Variants in NXNL2 observed in about 807,000 individuals in gnomAD.
NXNL2 encodes nucleoredoxin-like protein 2.
Under a neutral mutation model 11.1 loss-of-function variants are expected in NXNL2, and 7 were observed. The observed-to-expected ratio is 0.63, with a 90% CI of 0.36 to 1.18. The LOEUF (loss-of-function observed/expected upper bound fraction) is 1.18. Ranked by LOEUF, NXNL2 falls within the 50% of genes most tolerant of loss-of-function variation. The pLI, the probability that NXNL2 is intolerant of heterozygous loss-of-function variation, is 0.02. For synonymous variants in NXNL2, 109 were observed against 101.8 expected (o/e 1.07, Z -0.42); for missense variants, 233 against 217.7 (o/e 1.07, Z -0.44).
chr9:88,546,148 C>CGTGTGTGTGTGTGTGTGT (rs747134247), downstream of NXNL2, among the ~76,000 whole-genome samples: 82 of 147,474 alleles, frequency 5.6e-4, no homozygotes, highest in African/African-American at 2.0e-3. Flanking sequence ...ACTGAGTGTT[C>CGTGTGTGTGTGTGTGTGT]GTGTGTGTGT....
intron 1 of NXNL2, 98 bp downstream of exon 1, chr9:88,535,834 C>T (rs565008394): frequency 1.1e-6 from 1 of 912,104 alleles, no homozygotes; most frequent in Non-Finnish European, 1.6e-6. Flanking sequence ...TTATGACGCC[C>T]CCCCCCAACA....
In NXNL2 at chr9:88,535,467, G is replaced by A. The variant is rs999444967; in HGVS notation, c.33G>A (p.Val11=). ...ACATTCTGGGCGAGCGGCACCTGGT[G>A]ACCTGTAAGGGCGCGACGGTGGAGG... MVDILGERHL[V]TCKGATVEAE... The change falls in exon 1 of 2, where the codon GTG becomes GTA. Residue 11 remains valine (V), a synonymous_variant. Coordinates refer to ENST00000375854, the MANE Select transcript of NXNL2 (RefSeq NM_001161625.2). 1.2e-6 allele frequency: 2 copies of A among 1,607,088 alleles called. No homozygotes were observed. Among genetic ancestry groups the A allele is most frequent in the Non-Finnish European group, 8.5e-7 (1 of 1,177,516 alleles).
downstream of NXNL2, among the ~76,000 whole-genome samples, chr9:88,578,770 G>A (rs184158159): frequency 2.0e-5 from 3 of 152,346 alleles, no homozygotes; most frequent in Admixed American, 1.3e-4. Flanking sequence ...GCTCAGCCTC[G>A]ACTGGGGCTC....
chr9:88,580,294 C>T (rs1037461509), downstream of NXNL2, among the ~76,000 whole-genome samples: 2 of 151,730 alleles, frequency 1.3e-5, no homozygotes, highest in Non-Finnish European at 2.9e-5. Flanking sequence ...GCTGGGATTA[C>T]AGGCACCAGC....
At position 88,535,835 on chromosome 9, in the gene NXNL2, C is replaced by CT. The variant is rs899608782; in HGVS notation, c.302+99_302+100insT. ...CACTGGGGAGCTCTTTATGACGCCC[C>CT]CCCCCAACACCTCCCCGTCTCTCGG... On this transcript the variant is annotated intron_variant, in intron 1 of 1. Transcript: ENST00000375854. 1.7e-5 allele frequency: 15 copies of CT among 876,154 alleles called. No homozygotes were observed. In the East Asian group the frequency reaches 3.3e-4, roughly 19 times the overall value. 54.3% of individuals were successfully genotyped at this position (876,154 alleles called of 1,614,324 possible).
At chr9:88,536,012 C>T (rs1829610267) in intron 1 of NXNL2, among the ~76,000 whole-genome samples, 1 of 152,210 alleles carries the variant, frequency 6.6e-6, no homozygotes, top group South Asian at 2.1e-4. Flanking sequence ...TGCCTGGGGT[C>T]TGGAGCTCCG....
At chr9:88,578,542 T>A (rs1830372416), downstream of NXNL2, among the ~76,000 whole-genome samples, 1 of 152,218 alleles carries the variant, frequency 6.6e-6, no homozygotes, top group Non-Finnish European at 1.5e-5. Flanking sequence ...CCACTCAGGG[T>A]TGGCTGTTGC....
chr9:88,583,123 CCT>C (rs1370680737), intron 1 of NXNL2, among the ~76,000 whole-genome samples: 2 of 152,178 alleles, frequency 1.3e-5, no homozygotes, highest in East Asian at 3.9e-4. Context: ...CTCTCTGTGG[CCT>C]CTTATCCCCT....
At chr9:88,577,093 G>A (rs1222054135), downstream of NXNL2, among the ~76,000 whole-genome samples, 1 of 152,198 alleles carries the variant, frequency 6.6e-6, no homozygotes, top group African/African-American at 2.4e-5. Context: ...AAGCAGGGGA[G>A]TGGGGTGACC....
At chr9:88,571,881 A>AGGAC (rs911816649) in intron 2 of NXNL2, among the ~76,000 whole-genome samples, 140 of 152,288 alleles carry the variant, frequency 9.2e-4, no homozygotes, top group African/African-American at 3.2e-3. Context: ...CAGGAGAGCC[A>AGGAC]GGACCACATC....
At chr9:88,552,473 GTTT>G (rs59133640) in intron 1 of NXNL2, among the ~76,000 whole-genome samples, 6,919 of 131,568 alleles carry the variant, frequency 0.053, 511 homozygotes, top group African/African-American at 0.18. Flanking sequence ...AAACATGCAT[GTTT>G]TTTTTTTTTT....
At chr9:88,535,812 C>A (rs989029372) in intron 1 of NXNL2, 76 bp downstream of exon 1, 1 of 1,224,276 alleles carries the variant, frequency 8.2e-7, no homozygotes, top group Admixed American at 2.6e-5. Flanking sequence ...CCCCTCTGCA[C>A]TGGGGAGCTC....
downstream of NXNL2, among the ~76,000 whole-genome samples, chr9:88,548,033 A>T (rs1349582233): frequency 6.8e-6 from 1 of 146,470 alleles, no homozygotes; most frequent in African/African-American, 2.5e-5. Flanking sequence ...AAAAATAAAG[A>T]AAAAAGAATG....
chr9:88,566,594 C>T (rs756547133), intron 1 of NXNL2, among the ~76,000 whole-genome samples: 2 of 152,150 alleles, frequency 1.3e-5, no homozygotes, highest in African/African-American at 2.4e-5. Flanking sequence ...TGAGCCACTG[C>T]GCCTGGCCGA....
downstream of NXNL2, among the ~76,000 whole-genome samples, chr9:88,578,823 C>T (rs1334713560): frequency 6.6e-6 from 1 of 152,234 alleles, no homozygotes; most frequent in South Asian, 2.1e-4. Flanking sequence ...GGACTCCATA[C>T]AGGGAACTGA....
Position 88,535,740 on chromosome 9 carries a change from A to G in NXNL2, c.302+4A>G. 6.9e-7 allele frequency: 1 copy of G among 1,447,488 alleles called. No homozygotes were observed. Among genetic ancestry groups the G allele is most frequent in the Non-Finnish European group, 9.2e-7 (1 of 1,084,600 alleles). 89.7% of individuals were successfully genotyped at this position (1,447,488 alleles called of 1,614,324 possible). The stretch of plus-strand genomic sequence containing the variant: ...CCTTCCACGACCCCTACCGGCAGTG[A>G]GTGGGGGTCCTGGGGGGGCGGGGGC... On this transcript the variant is annotated splice_donor_region_variant and intron_variant, in intron 1 of 1. Transcript: ENST00000375854.
exon 3 of NXNL2, chr9:88,575,386 A>C: frequency 6.3e-6 from 1 of 158,170 alleles, no homozygotes; most frequent in Non-Finnish European, 1.4e-5. Flanking sequence ...GATAAAGAAA[A>C]CGTGGTACAT....
chr9:88,553,412 T>C (rs566091900), intron 1 of NXNL2, among the ~76,000 whole-genome samples: 1 of 152,238 alleles, frequency 6.6e-6, no homozygotes, highest in South Asian at 2.1e-4. Flanking sequence ...CAAATAGCCC[T>C]CCAGAGTCTT....
intron 1 of NXNL2, among the ~76,000 whole-genome samples, chr9:88,536,537 T>C (rs931011503): frequency 6.6e-6 from 1 of 152,140 alleles, no homozygotes; most frequent in Non-Finnish European, 1.5e-5. Flanking sequence ...GTCAAGTATG[T>C]TGTCCTGGCC....
Sources: allele counts gnomAD v4.1 joint callset (sites outside exome capture counted in the v4.1 genomes callset), GRCh38; gene constraint gnomAD v4.1.1; transcripts MANE v1.5; gene names NCBI Gene and HGNC (gene_info 2026-07-23, HGNC 2026-07-21).